The following OXNAD1 variants were observed in gnomAD, a reference collection of about 807,000 sequenced individuals.
OXNAD1 encodes oxidoreductase NAD binding domain containing 1, also known as oxidoreductase NAD-binding domain-containing protein 1.
OXNAD1 carries 34 observed loss-of-function variants against 32.9 expected under a neutral mutation model. The observed-to-expected ratio is 1.03, with a 90% CI of 0.79 to 1.38. The LOEUF (loss-of-function observed/expected upper bound fraction) is 1.38, where lower values mean the gene tolerates loss of function less well. Ranked by LOEUF, OXNAD1 falls within the 40% of genes most tolerant of loss-of-function variation. The probability of loss-of-function intolerance (pLI) is 0.00; values close to 1 mark genes in which losing one functional copy is unlikely to be tolerated. For synonymous variants in OXNAD1, 134 were observed against 135.2 expected (o/e 0.99, Z 0.06); for missense variants, 407 against 379.4 (o/e 1.07, Z -0.60).
chr3:16,311,492 GTC>G (rs1373715515), intron 9 of OXNAD1, among the ~76,000 whole-genome samples: 5 of 152,178 alleles, frequency 3.3e-5, no homozygotes, highest in African/African-American at 4.8e-5. Flanking sequence ...TGTTGAATGT[GTC>G]AAACTCTGAA....
rs747615936 is a variant in OXNAD1, at chr3:16,302,774, T to C, written c.784+26T>C. ...GTGAGTCCCCTAAAGATATTTTGAC[T>C]ATCTCCATGCAGTTATTTGATGGAC... On this transcript the variant is annotated intron_variant, in intron 8 of 8. Coordinates refer to ENST00000285083, the MANE Select transcript of OXNAD1 (RefSeq NM_138381.5). The surrounding 1 kb of genome is among the most constrained non-coding windows in gnomAD (Gnocchi z 4.2). The C allele has an allele frequency of 6.5e-6, 10 of 1,532,156 alleles. No homozygotes were observed. The East Asian group carries it at 1.8e-4, about 28-fold the overall frequency. The allele number at this position is 1,532,156 out of a possible 1,614,324, so 94.9% of individuals were successfully genotyped here.
At chr3:16,308,197 G>A (rs968608245), downstream of OXNAD1, among the ~76,000 whole-genome samples, 2 of 152,150 alleles carry the variant, frequency 1.3e-5, no homozygotes, top group South Asian at 2.1e-4. This position sits in a 1 kb window ranked among gnomAD's most constrained non-coding sequence, Gnocchi z 4.4. Context: ...AGAACATTTC[G>A]ACAAAATTGA....
At position 16,330,978 on chromosome 3, in the gene OXNAD1, G is replaced by C. The variant is rs113270622; in HGVS notation, c.*31-6134G>C. Among the ~76,000 whole-genome samples, 6 of 152,324 alleles carry C rather than the reference G, an allele frequency of 3.9e-5. 1 individual carries two copies. The highest frequency in any genetic ancestry group is 1.4e-4 in the African/African-American group (6 of 41,586). On this transcript the variant is annotated intron_variant, in intron 9 of 9. Transcript: ENST00000435829. Reference sequence around the variant, plus strand: ...TGTTTCATCCTGTGGAAGCAATCTAGGAGAAAAGGAGTTTGAAAGAAAATA... The same window carrying C: ...TGTTTCATCCTGTGGAAGCAATCTACGAGAAAAGGAGTTTGAAAGAAAATA...
chr3:16,267,562 C>A (rs2064618976), intron 1 of OXNAD1, among the ~76,000 whole-genome samples: 1 of 152,146 alleles, frequency 6.6e-6, no homozygotes, highest in African/African-American at 2.4e-5. Flanking sequence ...GAGTTGTCTG[C>A]CTTTAACATT....
At chr3:16,318,773 A>G (rs1386858607) in intron 9 of OXNAD1, among the ~76,000 whole-genome samples, 1 of 152,148 alleles carries the variant, frequency 6.6e-6, no homozygotes, top group Non-Finnish European at 1.5e-5. Flanking sequence ...TTCACTTACA[A>G]TGTTGGATGG....
chr3:16,316,574 A>T lies in OXNAD1; in HGVS notation c.*30+12982A>T, dbSNP rs2068418544. ...TGGAGCCAGGACTGGGCCTTCAGCC[A>T]TGAGGGCTAGAATAACCTGACCTCT... On this transcript the variant is annotated intron_variant, in intron 9 of 9. Transcript: ENST00000435829. This position sits in a 1 kb window ranked among gnomAD's most constrained non-coding sequence, Gnocchi z 4.5. 2 of 527,492 alleles carry T rather than the reference A, an allele frequency of 3.8e-6. No individual in the cohort carries two copies. The highest frequency in any genetic ancestry group is 3.5e-5 in the Admixed American group (1 of 28,636). The allele number at this position is 527,492 out of a possible 1,614,324, so 32.7% of individuals were successfully genotyped here. A position where few individuals can be genotyped will look rare whatever the true frequency, so the allele number is the denominator to read the frequency against.
At chr3:16,347,227 A>C (rs187812176) in intron 9 of OXNAD1, among the ~76,000 whole-genome samples, 1 of 152,224 alleles carries the variant, frequency 6.6e-6, no homozygotes, top group South Asian at 2.1e-4. Flanking sequence ...GACTTTTCAC[A>C]TGCAAACATA....
In OXNAD1 at chr3:16,270,949, C is replaced by T. The variant is rs569379099; in HGVS notation, c.-4C>T. 1.1e-5 allele frequency: 18 copies of T among 1,613,814 alleles called. No homozygotes were observed. Among genetic ancestry groups the T allele is most frequent in the South Asian group, 3.3e-5 (3 of 91,034 alleles). Reference sequence around the variant, plus strand: ...TTCAGTTTTCTGTTTGCCCAGAAAGCGCCATGGCCTGTGCTGCTGTTATGA... The same window carrying T: ...TTCAGTTTTCTGTTTGCCCAGAAAGTGCCATGGCCTGTGCTGCTGTTATGA... On this transcript the variant is annotated 5_prime_UTR_variant, in exon 3 of 9. Coordinates refer to ENST00000285083, the MANE Select transcript of OXNAD1 (RefSeq NM_138381.5).
chr3:16,349,995 A>C (rs1230165335), exon 10 of OXNAD1: 3 of 152,166 alleles, frequency 2.0e-5, no homozygotes, highest in Admixed American at 1.3e-4. Context: ...CACATTAGGA[A>C]GGGTAATGTG....
At chr3:16,331,028 A>G (rs541795421) in intron 9 of OXNAD1, among the ~76,000 whole-genome samples, 7 of 152,320 alleles carry the variant, frequency 4.6e-5, no homozygotes, top group African/African-American at 1.4e-4. Flanking sequence ...CATGATTGTA[A>G]ATGAAGAAAG....
In OXNAD1 at chr3:16,286,358, A is replaced by G. The variant is rs749977984; in HGVS notation, c.200A>G (p.Lys67Arg). Residue 67 changes from lysine (K) to arginine (R), a missense_variant, in exon 5 of 9, where the codon AAG (lysine) becomes AGG (arginine). By Grantham distance (26) the Lys-to-Arg change is conservative. Transcript: ENST00000285083. ...TGGTTTTAGATTGTGTCAGCAGCTA[A>G]GGTGTGTGGAGCTGCCAGTGAGTCA... ...VLRREIVSAAKVCGAASESPS... is the reference protein window; with the variant it reads ...VLRREIVSAARVCGAASESPS... The G allele has an allele frequency of 6.2e-7, 1 of 1,613,454 alleles. No homozygotes were observed. The highest frequency in any genetic ancestry group is 1.1e-5 in the South Asian group (1 of 91,062).
At chr3:16,279,144 G>T (rs781351675) in intron 4 of OXNAD1, among the ~76,000 whole-genome samples, 4 of 152,210 alleles carry the variant, frequency 2.6e-5, no homozygotes, top group Non-Finnish European at 5.9e-5. Flanking sequence ...AGTGCTTGAC[G>T]CTCCTGGCTT....
At chr3:16,318,029 G>A (rs765159749) in intron 9 of OXNAD1, among the ~76,000 whole-genome samples, 2 of 152,112 alleles carry the variant, frequency 1.3e-5, no homozygotes, top group Non-Finnish European at 2.9e-5. Context: ...GCCGCTTCCC[G>A]GGGGCCCAAC....
downstream of OXNAD1, among the ~76,000 whole-genome samples, chr3:16,351,159 G>C (rs185638516): frequency 1.3e-5 from 2 of 152,318 alleles, no homozygotes; most frequent in East Asian, 3.9e-4. This position sits in a 1 kb window ranked among gnomAD's most constrained non-coding sequence, Gnocchi z 5.4. Flanking sequence ...AAATACAATA[G>C]AGGAATGGAA....
At chr3:16,318,078 G>A (rs1383498095) in intron 9 of OXNAD1, among the ~76,000 whole-genome samples, 2 of 152,126 alleles carry the variant, frequency 1.3e-5, no homozygotes, top group Non-Finnish European at 2.9e-5. Flanking sequence ...GGGAAGTCAG[G>A]GGCTCAGAGT....
In OXNAD1 at chr3:16,271,679, A is replaced by C. The variant is rs1451382118; in HGVS notation, c.140A>C (p.Lys47Thr). 6.2e-7 allele frequency: 1 copy of C among 1,606,246 alleles called. No homozygotes were observed. The highest frequency in any genetic ancestry group is 8.5e-7 in the Non-Finnish European group (1 of 1,178,064). Residue 47 changes from lysine (K) to threonine (T), a missense_variant, in exon 4 of 9, where the codon AAA (lysine) becomes ACA (threonine). Coordinates refer to ENST00000285083, the MANE Select transcript of OXNAD1 (RefSeq NM_138381.5). The surrounding 1 kb of genome is among the most constrained non-coding windows in gnomAD (Gnocchi z 4.6). The part of the protein sequence containing the change: ...TLTSIMKSKR[K>T]TDHMERTASV... ...TAAAGCATAATGAAATCCAAAAGGA[A>C]AACTGATCACATGGAGAGAACTGCA...
rs952761656 is a variant in OXNAD1, at chr3:16,269,164, A to G, written c.-120A>G. The G allele has an allele frequency of 4.0e-6, 6 of 1,512,292 alleles. No individual in the cohort carries two copies. In the African/African-American group the frequency reaches 5.6e-5, roughly 14 times the overall value. 93.7% of individuals were successfully genotyped at this position (1,512,292 alleles called of 1,614,324 possible). A position where few individuals can be genotyped will look rare whatever the true frequency, so the allele number is the denominator to read the frequency against. On this transcript the variant is annotated 5_prime_UTR_variant, in exon 2 of 9. The change abolishes an upstream ATG in the 5' untranslated region. Coordinates refer to ENST00000285083, the MANE Select transcript of OXNAD1 (RefSeq NM_138381.5). ...ATTTTAATGCATGGAAAAGCTGTCC[A>G]TGTTCCAACTGCTGTACATCCAAAA...
rs1253292442 is a variant in OXNAD1, at chr3:16,344,081, A to G, written c.*31-5095A>G. ...CAGAGCACTTGGAGGGAAGCAGTAGAGACATTCTTGGCCTGTATTAACTCT... is the reference window on the plus strand; with the variant it reads ...CAGAGCACTTGGAGGGAAGCAGTAGGGACATTCTTGGCCTGTATTAACTCT... On this transcript the variant is annotated intron_variant, in intron 9 of 9. Coordinates refer to the OXNAD1 transcript ENST00000606098. The surrounding 1 kb of genome is among the most constrained non-coding windows in gnomAD (Gnocchi z 4.4). Among the ~76,000 whole-genome samples, 1 of 152,210 alleles carries G rather than the reference A, an allele frequency of 6.6e-6. No individual in the cohort carries two copies. The highest frequency in any genetic ancestry group is 2.4e-5 in the African/African-American group (1 of 41,446).
In OXNAD1 at chr3:16,269,181, C is replaced by T; in HGVS notation, c.-103C>T. On this transcript the variant is annotated 5_prime_UTR_variant, in exon 2 of 9. Coordinates refer to ENST00000285083, the MANE Select transcript of OXNAD1 (RefSeq NM_138381.5). ...AGCTGTCCATGTTCCAACTGCTGTACATCCAAAAGTCTCAGTGTAATAGCA... is the reference window on the plus strand; with the variant it reads ...AGCTGTCCATGTTCCAACTGCTGTATATCCAAAAGTCTCAGTGTAATAGCA... The T allele has an allele frequency of 6.6e-7, 1 of 1,522,372 alleles. No individual in the cohort carries two copies. Among genetic ancestry groups the T allele is most frequent in the South Asian group, 1.2e-5 (1 of 80,938 alleles). The allele number at this position is 1,522,372 out of a possible 1,614,324, so 94.3% of individuals were successfully genotyped here.
Sources: gnomAD v4.1 joint callset for allele counts (sites outside exome capture counted in the v4.1 genomes callset) on GRCh38, gnomAD v4.1.1 for gene constraint, Gnocchi (gnomAD v3.1) non-coding constraint, MANE v1.5 for transcripts, NCBI Gene and HGNC (gene_info 2026-07-23, HGNC 2026-07-21) for gene names.